Variants in RGS7BP observed in about 807,000 individuals in gnomAD.
RGS7BP encodes regulator of G protein signaling 7-binding protein.
In RGS7BP, 9 loss-of-function variants were observed where a neutral mutation model predicts 31.3. The ratio of observed to expected loss-of-function variants is 0.29; its 90% CI spans 0.17 to 0.50. The LOEUF (loss-of-function observed/expected upper bound fraction) is 0.50. RGS7BP is among the 20% of genes least tolerant of loss of function. The pLI is 0.98. For missense variants in RGS7BP, 274 were observed against 322.0 expected (o/e 0.85, Z 1.14); for synonymous variants, 115 against 120.1 (o/e 0.96, Z 0.28).
intron 2 of RGS7BP, among the ~76,000 whole-genome samples, chr5:64,517,336 C>T (rs906841357): frequency 6.6e-6 from 1 of 152,036 alleles, no homozygotes; most frequent in South Asian, 2.1e-4. Context: ...TTTTTCATTG[C>T]CACCTTAAAT....
At chr5:64,584,528 G>A (rs899808268) in intron 3 of RGS7BP, among the ~76,000 whole-genome samples, 2 of 152,196 alleles carry the variant, frequency 1.3e-5, no homozygotes, top group Non-Finnish European at 2.9e-5. Flanking sequence ...TTAGGGGCTG[G>A]AAAGGGAGCA....
At chr5:64,597,604 A>C (rs964365005) in intron 4 of RGS7BP, among the ~76,000 whole-genome samples, 1 of 151,528 alleles carries the variant, frequency 6.6e-6, no homozygotes, top group Non-Finnish European at 1.5e-5. Context: ...TATTAAAACC[A>C]AGCAGAAGAT....
At chr5:64,524,635 T>G (rs1749186799) in intron 2 of RGS7BP, among the ~76,000 whole-genome samples, 1 of 152,204 alleles carries the variant, frequency 6.6e-6, no homozygotes, top group Non-Finnish European at 1.5e-5. Flanking sequence ...TTGAGGACAA[T>G]TGAATCCCTA....
chr5:64,521,776 C>T (rs1749114206), intron 2 of RGS7BP, among the ~76,000 whole-genome samples: 1 of 152,142 alleles, frequency 6.6e-6, no homozygotes, highest in African/African-American at 2.4e-5. Context: ...ATAATAAGCA[C>T]TTAATGTTTC....
chr5:64,551,688 G>A (rs528467749), intron 2 of RGS7BP, among the ~76,000 whole-genome samples: 15 of 150,274 alleles, frequency 1.0e-4, no homozygotes, highest in African/African-American at 3.8e-4. Context: ...CCGTTTTTAG[G>A]TCTGGAAAAC....
intron 2 of RGS7BP, among the ~76,000 whole-genome samples, chr5:64,512,803 G>A (rs1242756585): frequency 6.6e-6 from 1 of 152,058 alleles, no homozygotes; most frequent in Non-Finnish European, 1.5e-5. Flanking sequence ...CTATCAAAAA[G>A]CCTGTTCTGA....
rs116357111 is a variant in RGS7BP, at chr5:64,609,877, A to G, written c.*625A>G. 3.9e-3 allele frequency: 600 copies of G among 152,614 alleles called. 5 individuals are homozygous for G. Among genetic ancestry groups the G allele is most frequent in the Non-Finnish European group, 6.2e-3 (418 of 67,962 alleles). 9.5% of individuals were successfully genotyped at this position (152,614 alleles called of 1,614,324 possible). A position where few individuals can be genotyped will look rare whatever the true frequency, so the allele number is the denominator to read the frequency against. ...AAAGCAACAAAAACCACATATGAAAAGTACTAAAATTTTGTAAATACACAA... is the reference window on the plus strand; with the variant it reads ...AAAGCAACAAAAACCACATATGAAAGGTACTAAAATTTTGTAAATACACAA... On this transcript the variant is annotated 3_prime_UTR_variant, in exon 6 of 6. Transcript: ENST00000334025.
chr5:64,560,885 GAAT>G (rs1742038179), intron 2 of RGS7BP, among the ~76,000 whole-genome samples: 1 of 152,136 alleles, frequency 6.6e-6, no homozygotes, highest in African/African-American at 2.4e-5. Context: ...GAAAAAGAGA[GAAT>G]AATGACAGTC....
Position 64,598,386 on chromosome 5 carries a change from C to T in RGS7BP, c.633C>T (p.Asn211=). The change falls in exon 5 of 6, where the codon AAC becomes AAT. Residue 211 remains asparagine, a synonymous_variant. Transcript: ENST00000334025. ...NTERDMREMK[N]LLSKLRETMP... ...ACAGAGACATGAGAGAAATGAAAAA[C>T]CTTTTAAGCAAACTCAGGGAAACTA... 1 of 1,600,314 alleles carries T rather than the reference C, an allele frequency of 6.2e-7. No homozygotes were observed. The highest frequency in any genetic ancestry group is 8.6e-7 in the Non-Finnish European group (1 of 1,167,656).
At chr5:64,583,114 G>A (rs1312661835) in intron 3 of RGS7BP, among the ~76,000 whole-genome samples, 2 of 152,166 alleles carry the variant, frequency 1.3e-5, no homozygotes, top group Admixed American at 6.5e-5. Flanking sequence ...TAGGCCAGGC[G>A]CAGTGGCTCA....
chr5:64,545,366 A>G (rs1218511957), intron 2 of RGS7BP, among the ~76,000 whole-genome samples: 1 of 152,132 alleles, frequency 6.6e-6, no homozygotes, highest in Non-Finnish European at 1.5e-5. Context: ...ATAATATGTA[A>G]CAAACCTGCA....
At chr5:64,599,175 C>A (rs1449872232) in intron 5 of RGS7BP, among the ~76,000 whole-genome samples, 1 of 152,218 alleles carries the variant, frequency 6.6e-6, no homozygotes, top group Non-Finnish European at 1.5e-5. Flanking sequence ...AAATCTGCAC[C>A]TACCTTTGCA....
intron 5 of RGS7BP, among the ~76,000 whole-genome samples, chr5:64,604,903 C>T (rs1743314662): frequency 2.6e-5 from 4 of 152,044 alleles, no homozygotes. Flanking sequence ...GGTATGGTGG[C>T]TTATTCCTAT....
At chr5:64,564,144 T>G (rs1742115696) in intron 2 of RGS7BP, among the ~76,000 whole-genome samples, 1 of 152,156 alleles carries the variant, frequency 6.6e-6, no homozygotes, top group South Asian at 2.1e-4. Context: ...TAGAAAAAAC[T>G]TCAGTCATCT....
In RGS7BP at chr5:64,527,628, AAAAAAAAAAAAAAAGAG is replaced by A. The variant is rs1331549095; in HGVS notation, c.332+19752_332+19768del. ...CAGTAAAAAAAAAAAAAAAAAAAAA[AAAAAAAAAAAAAAAGAG>A]GAATGTTCTAAATATCCAACAGAGG... On this transcript the variant is annotated intron_variant, in intron 2 of 5. Transcript: ENST00000334025. Among the ~76,000 whole-genome samples, 9 of 107,480 alleles carry A rather than the reference AAAAAAAAAAAAAAAGAG, an allele frequency of 8.4e-5. No homozygotes were observed. The South Asian group carries it at 2.7e-3, about 33-fold the overall frequency. The allele number at this position is 107,480 out of a possible 152,430, so 70.5% of individuals were successfully genotyped here.
At chr5:64,567,067 C>A (rs978062684) in intron 2 of RGS7BP, among the ~76,000 whole-genome samples, 3 of 151,926 alleles carry the variant, frequency 2.0e-5, no homozygotes, top group Admixed American at 1.3e-4. Flanking sequence ...AAAAATAAAC[C>A]TCCCCTGGGT....
At position 64,590,822 on chromosome 5, in the gene RGS7BP, C is replaced by A. The variant is rs143376989; in HGVS notation, c.464-3888C>A. ...ATAAAACAGTATATCCAGAAATAAA[C>A]CCACATTTATGTAGGAACTTAATAT... On this transcript the variant is annotated intron_variant, in intron 3 of 5. Transcript: ENST00000334025. Among the ~76,000 whole-genome samples the A allele has an allele frequency of 3.5e-3, 527 of 152,090 alleles. 6 individuals carry two copies. The highest frequency in any genetic ancestry group is 4.3e-3 in the Non-Finnish European group (289 of 67,964).
chr5:64,569,958 T>A (rs899361662), intron 2 of RGS7BP, among the ~76,000 whole-genome samples: 5 of 152,128 alleles, frequency 3.3e-5, no homozygotes, highest in African/African-American at 9.7e-5. Flanking sequence ...AAAGAGAAAC[T>A]TAGATATATT....
At chr5:64,533,522 TG>T (rs1438347500) in intron 2 of RGS7BP, among the ~76,000 whole-genome samples, 1 of 152,158 alleles carries the variant, frequency 6.6e-6, no homozygotes, top group Non-Finnish European at 1.5e-5. Flanking sequence ...TGGGACCACC[TG>T]GGGGGTGGGA....
Sources: allele counts gnomAD v4.1 joint callset (sites outside exome capture counted in the v4.1 genomes callset), GRCh38; gene constraint gnomAD v4.1.1; transcripts MANE v1.5; gene names NCBI Gene and HGNC (gene_info 2026-07-23, HGNC 2026-07-21).